The following RGS3 variants were observed in gnomAD, a reference collection of about 807,000 sequenced individuals.
The protein encoded by RGS3 is regulator of G-protein signalling 3.
RGS3 carries 80 observed loss-of-function variants against 132.6 expected under a neutral mutation model. That is an observed-to-expected ratio of 0.60 (90% CI 0.50 to 0.73). RGS3 has a LOEUF of 0.73. RGS3 is among the 30% of genes least tolerant of loss of function. The pLI is 0.00. For missense variants in RGS3, 1,382 were observed against 1,530.8 expected (o/e 0.90, Z 1.62); for synonymous variants, 598 against 620.6 (o/e 0.96, Z 0.54).
intron 1 of RGS3, among the ~76,000 whole-genome samples, chr9:113,454,965 G>A (rs1229274083): frequency 6.6e-6 from 1 of 152,112 alleles, no homozygotes; most frequent in Non-Finnish European, 1.5e-5. Flanking sequence ...TGTGAGTGGG[G>A]ACTCTCTGGA....
Position 113,567,973 on chromosome 9 carries a change from T to C in RGS3, c.2038-15477T>C, listed in dbSNP as rs573697980. 5.4e-4 allele frequency among the ~76,000 whole-genome samples: 83 copies of C among 152,366 alleles called. 1 individual carries two copies. Among genetic ancestry groups the C allele is most frequent in the African/African-American group, 1.8e-3 (75 of 41,594 alleles). ...TTGAGAGCTGCTTCCCATTGGCCTCTTAAGGCCCTGGAGATGGCAGTCTCT... is the reference window on the plus strand; with the variant it reads ...TTGAGAGCTGCTTCCCATTGGCCTCCTAAGGCCCTGGAGATGGCAGTCTCT... On this transcript the variant is annotated intron_variant, in intron 19 of 24. Transcript: ENST00000350696.
chr9:113,467,486 G>A (rs1829682474), intron 3 of RGS3, among the ~76,000 whole-genome samples: 1 of 152,146 alleles, frequency 6.6e-6, no homozygotes, highest in Non-Finnish European at 1.5e-5. Flanking sequence ...GACCCGTGAT[G>A]TTGAACATTT....
At chr9:113,559,539 C>T (rs1417588517) in intron 19 of RGS3, among the ~76,000 whole-genome samples, 5 of 152,170 alleles carry the variant, frequency 3.3e-5, no homozygotes, top group Admixed American at 2.0e-4. Context: ...TGGGAGCCAC[C>T]GTTTCCATTA....
intron 18 of RGS3, among the ~76,000 whole-genome samples, chr9:113,535,432 A>G (rs1832640253): frequency 6.6e-6 from 1 of 152,242 alleles, no homozygotes; most frequent in East Asian, 1.9e-4. Context: ...CGGCCTCCCA[A>G]AGTGCTGGGA....
intron 18 of RGS3, among the ~76,000 whole-genome samples, chr9:113,530,643 T>G (rs1832426535): frequency 6.6e-6 from 1 of 152,242 alleles, no homozygotes; most frequent in East Asian, 1.9e-4. Flanking sequence ...CAGGTTGGGT[T>G]AGTTTTTTCC....
intron 7 of RGS3, among the ~76,000 whole-genome samples, chr9:113,492,515 C>T (rs879050084): frequency 1.2e-4 from 19 of 152,324 alleles, no homozygotes; most frequent in Non-Finnish European, 2.1e-4. Flanking sequence ...GCTCCTTGCC[C>T]AGTGCCTGCC....
intron 19 of RGS3, among the ~76,000 whole-genome samples, chr9:113,548,088 C>A (rs1488573765): frequency 6.6e-6 from 1 of 152,124 alleles, no homozygotes. Context: ...TTGGTAGAAC[C>A]ATAGAAACTT....
chr9:113,564,938 C>G (rs193084902), intron 19 of RGS3: 1 of 995,974 alleles, frequency 1.0e-6, no homozygotes, highest in Non-Finnish European at 1.2e-6. Context: ...CTCGGTGCCT[C>G]GGTGATTGGC....
At chr9:113,470,986 A>C (rs1028631051) in intron 3 of RGS3, among the ~76,000 whole-genome samples, 4 of 152,032 alleles carry the variant, frequency 2.6e-5, no homozygotes, top group Non-Finnish European at 5.9e-5. Context: ...ACAACAAACA[A>C]ACAGTATAGG....
chr9:113,522,214 G>A (rs1181214704), intron 16 of RGS3: 1 of 152,206 alleles, frequency 6.6e-6, no homozygotes, highest in East Asian at 1.9e-4. Flanking sequence ...TAGAGTGTGA[G>A]TAACTGGCTG....
intron 19 of RGS3, among the ~76,000 whole-genome samples, chr9:113,556,066 A>G (rs1288563469): frequency 6.6e-6 from 1 of 152,182 alleles, no homozygotes; most frequent in Non-Finnish European, 1.5e-5. Context: ...AGAAAATTCT[A>G]AGTGAATCGT....
At chr9:113,484,339 AAAAAAAAAAACCAAAACAAAAAAAAC>A in intron 6 of RGS3, 107 bp downstream of exon 4, 1 of 501,062 alleles carries the variant, frequency 2.0e-6, no homozygotes, top group Non-Finnish European at 3.6e-6. Context: ...AAAAAAAAAA[AAAAAAAAAAACCAAAACAAAAAAAAC>A]CAGTGCCTTC....
chr9:113,594,876 A>G (rs765422439), intron 22 of RGS3, 43 bp from the exon 21 acceptor site: 4 of 1,591,398 alleles, frequency 2.5e-6, no homozygotes, highest in Non-Finnish European at 3.4e-6. Context: ...AAGGTTCCCA[A>G]GCCTCTCAGT....
At chr9:113,462,533 G>A (rs1462949013) in intron 3 of RGS3, among the ~76,000 whole-genome samples, 1 of 152,196 alleles carries the variant, frequency 6.6e-6, no homozygotes, top group Non-Finnish European at 1.5e-5. Context: ...GGACAATGGC[G>A]TTTGGGGCAG....
rs71367724 is a variant in RGS3 at position 113,447,336 on chromosome 9, T to TATATATATATATATATATATAC, written c.-13+2430_-13+2431insCATATATATATATATATATATA. Among the ~76,000 whole-genome samples, 42 of 78,954 alleles carry TATATATATATATATATATATAC rather than the reference T, an allele frequency of 5.3e-4. 6 individuals carry two copies. The highest frequency in any genetic ancestry group is 1.0e-3 in the Non-Finnish European group (39 of 37,686). The allele number at this position is 78,954 out of a possible 152,430, so 51.8% of individuals were successfully genotyped here. ...ATTCTGATGTATGTATATGTATATA[T>TATATATATATATATATATATAC]ATATATATATATATATATATATATA... is the stretch of plus-strand genomic sequence containing the variant. On this transcript the variant is annotated intron_variant, in intron 1 of 25. Transcript: ENST00000374140.
chr9:113,491,637 C>T (rs528738380), intron 7 of RGS3, among the ~76,000 whole-genome samples: 23 of 152,056 alleles, frequency 1.5e-4, no homozygotes, highest in African/African-American at 4.6e-4. Flanking sequence ...TCACTGAAAC[C>T]TCCACCTCCT....
At position 113,594,929 on chromosome 9, in the gene RGS3, G is replaced by T; in HGVS notation, c.3193G>T (p.Glu1065Ter). The T allele has an allele frequency of 6.2e-7, 1 of 1,614,074 alleles. No individual in the cohort carries two copies. The highest frequency in any genetic ancestry group is 1.1e-5 in the South Asian group (1 of 91,084). Residue 1065 changes from glutamate (E) to a stop codon, truncating the protein, a stop_gained, in exon 23 of 25, where the codon GAG becomes TAG. Coordinates refer to ENST00000350696, the Ensembl canonical transcript of RGS3. LOFTEE classifies it high-confidence loss of function. ...TCCCTCACCCCTCAGGCCCACCTCA[G>T]AGGAAGCCCTCAAGTGGGGCGAGTC... is the stretch of plus-strand genomic sequence containing the variant.
chr9:113,550,096 G>T (rs1015198304), intron 19 of RGS3, among the ~76,000 whole-genome samples: 4 of 152,234 alleles, frequency 2.6e-5, no homozygotes, highest in Non-Finnish European at 5.9e-5. Flanking sequence ...GGGCGCGGTG[G>T]CTCATGCCTG....
intron 19 of RGS3, among the ~76,000 whole-genome samples, chr9:113,553,821 C>T (rs184904224): frequency 1.8e-4 from 28 of 151,930 alleles, no homozygotes; most frequent in South Asian, 6.3e-4. Flanking sequence ...CCAGCCTGGG[C>T]GACAAGAGAG....
Sources: gnomAD v4.1 joint callset for allele counts (sites outside exome capture counted in the v4.1 genomes callset) on GRCh38, gnomAD v4.1.1 for gene constraint, MANE v1.5 for transcripts, NCBI Gene and HGNC (gene_info 2026-07-23, HGNC 2026-07-21) for gene names.